The following MRAP2 variants were observed in gnomAD, a reference collection of about 807,000 sequenced individuals.
MRAP2 encodes melanocortin-2 receptor accessory protein 2.
A neutral mutation model predicts 17.4 loss-of-function variants in MRAP2; 20 were observed. The observed-to-expected ratio is 1.15, with a 90% CI of 0.81 to 1.67. MRAP2 has a LOEUF of 1.67. Among genes scored for constraint, MRAP2 ranks in the 40% most tolerant of loss-of-function variants. MRAP2 has a pLI of 0.00. For synonymous variants in MRAP2, 96 were observed against 88.4 expected, an observed-to-expected ratio of 1.09 and a Z score of -0.48; for missense variants, 238 against 240.0, an observed-to-expected ratio of 0.99 and a Z score of 0.05.
At chr6:84,096,747 G>A in the MRAP2 span, among the ~76,000 whole-genome samples, 2 of 152,108 alleles carry the variant, frequency 1.3e-5, no homozygotes, top group African/African-American at 4.8e-5. Context: ...GGCACAAATT[G>A]CACTACAGAA....
At chr6:84,071,596 C>G (rs953525481) in intron 3 of MRAP2, among the ~76,000 whole-genome samples, 1 of 152,116 alleles carries the variant, frequency 6.6e-6, no homozygotes, top group Non-Finnish European at 1.5e-5. Context: ...CCTAGGTGTT[C>G]TTTGTGCTTC....
the MRAP2 span, among the ~76,000 whole-genome samples, chr6:84,104,209 G>C: frequency 6.6e-6 from 1 of 152,182 alleles, no homozygotes; most frequent in African/African-American, 2.4e-5. Context: ...TTCAGCCATG[G>C]CTGGAGTGGC....
chr6:84,041,486 G>A (rs1024849576), intron 1 of MRAP2, among the ~76,000 whole-genome samples: 1 of 152,220 alleles, frequency 6.6e-6, no homozygotes, highest in East Asian at 1.9e-4. Context: ...TCCACTGATA[G>A]CTTGCCCCGT....
At chr6:84,045,942 C>A (rs2099488908) in intron 1 of MRAP2, among the ~76,000 whole-genome samples, 1 of 152,194 alleles carries the variant, frequency 6.6e-6, no homozygotes, top group South Asian at 2.1e-4. Flanking sequence ...TCTGGAAGGA[C>A]TTTCACTACA....
upstream of MRAP2, chr6:84,033,699 G>C: frequency 1.0e-6 from 1 of 985,306 alleles, no homozygotes; most frequent in Non-Finnish European, 1.2e-6. Flanking sequence ...CTGCAGCCCT[G>C]CTCCGGCGCC....
chr6:84,134,357 G>T, the MRAP2 span, among the ~76,000 whole-genome samples: 4 of 152,064 alleles, frequency 2.6e-5, no homozygotes, highest in Non-Finnish European at 4.4e-5. Flanking sequence ...CTCTTTCCAG[G>T]GGTGTCTTGC....
At chr6:84,044,264 G>A (rs540108646) in intron 1 of MRAP2, among the ~76,000 whole-genome samples, 58 of 152,256 alleles carry the variant, frequency 3.8e-4, no homozygotes, top group African/African-American at 1.2e-3. Context: ...TCAGCTCACC[G>A]CCACCTCCGC....
At chr6:84,137,377 C>T in the MRAP2 span, among the ~76,000 whole-genome samples, 7 of 150,304 alleles carry the variant, frequency 4.7e-5, no homozygotes, top group Non-Finnish European at 1.0e-4. Flanking sequence ...GATCATTCCA[C>T]TATCTGTTCA....
At chr6:84,050,927 T>C (rs1405964052) in intron 1 of MRAP2, among the ~76,000 whole-genome samples, 1 of 152,238 alleles carries the variant, frequency 6.6e-6, no homozygotes, top group Non-Finnish European at 1.5e-5. Context: ...GGCAGTTTCT[T>C]GGAATGCCTT....
At chr6:84,063,422 G>C in intron 3 of MRAP2, 1 of 984,800 alleles carries the variant, frequency 1.0e-6, no homozygotes, top group Non-Finnish European at 1.2e-6. Flanking sequence ...GTTGTTCCTG[G>C]ATACTCAACT....
intron 1 of MRAP2, 115 bp from the exon 2 acceptor site, chr6:84,055,197 A>G: frequency 8.3e-7 from 1 of 1,210,806 alleles, no homozygotes; most frequent in East Asian, 2.4e-5. Context: ...AGGAGGTAAG[A>G]CCTCCTCAAG....
At chr6:84,133,381 T>A in the MRAP2 span, among the ~76,000 whole-genome samples, 955 of 152,298 alleles carry the variant, frequency 6.3e-3, 4 homozygotes, top group African/African-American at 0.022. Flanking sequence ...ACTACTCTCT[T>A]CAAAGCTGTC....
At chr6:84,139,089 T>G in the MRAP2 span, among the ~76,000 whole-genome samples, 1 of 152,196 alleles carries the variant, frequency 6.6e-6, no homozygotes, top group Non-Finnish European at 1.5e-5. Flanking sequence ...CTTTTTAGAA[T>G]GAAATGGATC....
At chr6:84,125,094 A>G in the MRAP2 span, 2 of 1,612,950 alleles carry the variant, frequency 1.2e-6, no homozygotes, top group South Asian at 1.1e-5. Flanking sequence ...CATTCATTTC[A>G]TCTGCAAAAG....
intron 1 of MRAP2, among the ~76,000 whole-genome samples, chr6:84,049,981 C>CGTGTGTGTGT (rs566111982): frequency 1.3e-4 from 17 of 134,424 alleles, no homozygotes; most frequent in African/African-American, 5.0e-4. Context: ...TGCGTGCATT[C>CGTGTGTGTGT]ATGTGTGTGT....
At chr6:84,101,126 A>T in the MRAP2 span, among the ~76,000 whole-genome samples, 952 of 152,246 alleles carry the variant, frequency 6.3e-3, 4 homozygotes, top group African/African-American at 0.022. Context: ...ATCCTCCTTC[A>T]TCCTTGAACT....
the MRAP2 span, among the ~76,000 whole-genome samples, chr6:84,141,384 A>C: frequency 6.6e-6 from 1 of 152,186 alleles, no homozygotes; most frequent in Non-Finnish European, 1.5e-5. Context: ...CAAAAGTCAG[A>C]CTAGACTTAA....
the MRAP2 span, among the ~76,000 whole-genome samples, chr6:84,130,631 T>C: frequency 2.6e-5 from 4 of 152,224 alleles, no homozygotes. Context: ...CTAGATTTTC[T>C]AGTTTATTTG....
the MRAP2 span, among the ~76,000 whole-genome samples, chr6:84,141,771 A>G: frequency 1.3e-5 from 2 of 152,106 alleles, no homozygotes; most frequent in Non-Finnish European, 2.9e-5. Flanking sequence ...TGCTGTACCT[A>G]CACTCCACCT....
Sources: gnomAD v4.1 joint callset for allele counts (sites outside exome capture counted in the v4.1 genomes callset) on GRCh38, gnomAD v4.1.1 for gene constraint, MANE v1.5 for transcripts, NCBI Gene and HGNC (gene_info 2026-07-23, HGNC 2026-07-21) for gene names.